The following TCF7L1 variants were observed in gnomAD, a reference collection of about 807,000 sequenced individuals.
The protein encoded by TCF7L1 is transcription factor 7 like 1, also known as transcription factor 7-like 1.
TCF7L1 carries 18 observed loss-of-function variants against 63.7 expected under a neutral mutation model. The observed-to-expected ratio is 0.28, with a 90% confidence interval of 0.20 to 0.42. The LOEUF is 0.42. Ranked by LOEUF, TCF7L1 falls within the 10% of genes least tolerant of loss-of-function variation. The pLI is 1.00. For synonymous variants in TCF7L1, 355 were observed against 340.9 expected, an observed-to-expected ratio of 1.04 and a Z score of -0.46; for missense variants, 654 against 779.3, an observed-to-expected ratio of 0.84 and a Z score of 1.91.
chr2:85,175,901 T>C (rs923806368), intron 3 of TCF7L1, among the ~76,000 whole-genome samples: 1 of 152,232 alleles, frequency 6.6e-6, no homozygotes, highest in Non-Finnish European at 1.5e-5. Context: ...GGTCAGTCTT[T>C]GTTTTTGGCT....
At chr2:85,210,554 T>G (rs578248782) in intron 3 of TCF7L1, among the ~76,000 whole-genome samples, 1 of 152,260 alleles carries the variant, frequency 6.6e-6, no homozygotes, top group East Asian at 1.9e-4. Flanking sequence ...ATAGCCAAGA[T>G]TTGTCCAGGG....
chr2:85,308,309 T>C (rs1160248848), intron 11 of TCF7L1, among the ~76,000 whole-genome samples: 8 of 134,758 alleles, frequency 5.9e-5, no homozygotes, highest in Admixed American at 2.2e-4. Context: ...GTATCGCTGC[T>C]TGCACGATGT....
At position 85,221,368 on chromosome 2, in the gene TCF7L1, A is replaced by G. The variant is rs77354066; in HGVS notation, c.442-62127A>G. 9.1e-3 allele frequency among the ~76,000 whole-genome samples: 1,391 copies of G among 152,322 alleles called. 14 individuals are homozygous for G. The highest frequency in any genetic ancestry group is 0.032 in the African/African-American group (1,342 of 41,552). On this transcript the variant is annotated intron_variant, in intron 3 of 11. Coordinates refer to ENST00000282111, the MANE Select transcript of TCF7L1 (RefSeq NM_031283.3). ...TATTTCAGCTAATAAATGAAGAAGA[A>G]ATAGTCTTGTTTCCTGTCTTAGTTC...
At chr2:85,186,154 A>G (rs1271559273) in intron 3 of TCF7L1, among the ~76,000 whole-genome samples, 1 of 151,832 alleles carries the variant, frequency 6.6e-6, no homozygotes, top group African/African-American at 2.4e-5. Context: ...TTTTTAGTAG[A>G]GACGGGGTTT....
rs1345244637 is a variant in TCF7L1, at chr2:85,305,265, T to C, written c.851T>C (p.Val284Ala). The change falls in exon 8 of 12, where the codon GTC (valine) becomes GCC (alanine). Residue 284 changes from valine (V) to alanine (A), a missense_variant. By Grantham distance (64) the Val-to-Ala change is moderately conservative. Coordinates refer to ENST00000282111, the MANE Select transcript of TCF7L1 (RefSeq NM_031283.3). Reference sequence around the variant, plus strand: ...TGTTTCTATCCGGTGCACAGCCTGGTCTCCAGTCGGTTCTCTCCTCACATG... The same window carrying C: ...TGTTTCTATCCGGTGCACAGCCTGGCCTCCAGTCGGTTCTCTCCTCACATG... ...LAMNASMSSL[V>A]SSRFSPHMVA... is the part of the protein sequence containing the mutation. The C allele has an allele frequency of 6.2e-7, 1 of 1,614,052 alleles. No individual in the cohort carries two copies. Among genetic ancestry groups the C allele is most frequent in the Non-Finnish European group, 8.5e-7 (1 of 1,180,006 alleles).
At chr2:85,252,099 A>T (rs573420527) in intron 3 of TCF7L1, among the ~76,000 whole-genome samples, 1 of 152,222 alleles carries the variant, frequency 6.6e-6, no homozygotes, top group South Asian at 2.1e-4. Flanking sequence ...CACACTCCAG[A>T]TGCTTCTCTG....
chr2:85,138,644 A>G (rs1677651267), intron 3 of TCF7L1, among the ~76,000 whole-genome samples: 1 of 152,234 alleles, frequency 6.6e-6, no homozygotes, highest in East Asian at 1.9e-4. Context: ...AGGACTGGGA[A>G]CCTGTCAATC....
chr2:85,263,168 C>T (rs1321389803), intron 3 of TCF7L1, among the ~76,000 whole-genome samples: 2 of 152,160 alleles, frequency 1.3e-5, no homozygotes, highest in African/African-American at 2.4e-5. Context: ...AATAGTGAAA[C>T]ACTCAGAGAA....
chr2:85,151,982 TA>T (rs1411387905), intron 3 of TCF7L1, among the ~76,000 whole-genome samples: 2 of 152,254 alleles, frequency 1.3e-5, no homozygotes. Context: ...CAATGAAGCT[TA>T]AAATATTATG....
chr2:85,158,299 C>T (rs1678197653), intron 3 of TCF7L1, among the ~76,000 whole-genome samples: 1 of 152,206 alleles, frequency 6.6e-6, no homozygotes, highest in Non-Finnish European at 1.5e-5. Flanking sequence ...CACTTTAGAA[C>T]ATAGGAGACC....
intron 7 of TCF7L1, among the ~76,000 whole-genome samples, chr2:85,304,977 C>T (rs1278920349): frequency 2.0e-5 from 3 of 152,132 alleles, no homozygotes; most frequent in Admixed American, 6.5e-5. Context: ...CCTTCTTTTC[C>T]CCAGTATGCC....
intron 3 of TCF7L1, among the ~76,000 whole-genome samples, chr2:85,224,619 T>A (rs1679916306): frequency 6.6e-6 from 1 of 152,222 alleles, no homozygotes; most frequent in South Asian, 2.1e-4. Context: ...TTGCCCACTT[T>A]TTGATGGGGT....
At chr2:85,259,384 G>T (rs1012685345) in intron 3 of TCF7L1, among the ~76,000 whole-genome samples, 8 of 152,168 alleles carry the variant, frequency 5.3e-5, no homozygotes, top group Admixed American at 5.2e-4. Flanking sequence ...TTGGGAATTC[G>T]TATCTGTAGG....
intron 4 of TCF7L1, among the ~76,000 whole-genome samples, chr2:85,302,222 C>T (rs1266330984): frequency 6.6e-6 from 1 of 152,052 alleles, no homozygotes. Flanking sequence ...TTTGAGATGA[C>T]ACAGCGCAGA....
At chr2:85,156,513 G>C (rs1319092604) in intron 3 of TCF7L1, among the ~76,000 whole-genome samples, 1 of 152,182 alleles carries the variant, frequency 6.6e-6, no homozygotes, top group East Asian at 1.9e-4. Context: ...GGGAGCTCTG[G>C]GGCCAGTGCG....
rs151245211 is a variant in TCF7L1, at chr2:85,288,967, G to A, written c.525+5389G>A. Among the ~76,000 whole-genome samples, 809 of 152,220 alleles carry A rather than the reference G, an allele frequency of 5.3e-3. 9 individuals carry two copies. Among genetic ancestry groups the A allele is most frequent in the African/African-American group, 0.019 (780 of 41,528 alleles). ...CATCTGAGCGCCTGTTGTAATGCTC[G>A]GGAGCATTTGTTGAATGAATGGAAG... On this transcript the variant is annotated intron_variant, in intron 4 of 11. Transcript: ENST00000282111.
chr2:85,256,129 G>A (rs1178552855), intron 3 of TCF7L1, among the ~76,000 whole-genome samples: 1 of 152,192 alleles, frequency 6.6e-6, no homozygotes, highest in African/African-American at 2.4e-5. Flanking sequence ...GAGCAGGCCC[G>A]GCCTTGTGCT....
chr2:85,308,632 G>A (rs779724726), intron 11 of TCF7L1, among the ~76,000 whole-genome samples: 25 of 149,490 alleles, frequency 1.7e-4, no homozygotes, highest in African/African-American at 5.7e-4. Context: ...AGTGGAACCC[G>A]TACCTGCTAC....
chr2:85,300,174 T>C (rs1345155394), intron 4 of TCF7L1, among the ~76,000 whole-genome samples: 1 of 152,196 alleles, frequency 6.6e-6, no homozygotes, highest in Non-Finnish European at 1.5e-5. Context: ...ACATTTTTGG[T>C]GTGCTTCTAT....
Sources: gnomAD v4.1 joint callset for allele counts (sites outside exome capture counted in the v4.1 genomes callset) on GRCh38, gnomAD v4.1.1 for gene constraint, MANE v1.5 for transcripts, NCBI Gene and HGNC (gene_info 2026-07-23, HGNC 2026-07-21) for gene names.